The following TC2N variants were observed in gnomAD, a reference collection of about 807,000 sequenced individuals.
The protein encoded by TC2N is tandem C2 domains, nuclear.
Under a neutral mutation model 61.9 loss-of-function variants are expected in TC2N, and 51 were observed. That is an observed-to-expected ratio of 0.82 (90% confidence interval 0.66 to 1.04). TC2N has a LOEUF of 1.04. Among genes scored for constraint, TC2N ranks in the 50% least tolerant of loss-of-function variants. The pLI is 0.00. For synonymous variants in TC2N, 204 were observed against 192.6 expected (o/e 1.06, Z -0.49); for missense variants, 556 against 566.7 (o/e 0.98, Z 0.19).
chr14:91,840,798 T>C (rs1006891258), intron 1 of TC2N, among the ~76,000 whole-genome samples: 2 of 152,294 alleles, frequency 1.3e-5, no homozygotes, highest in Non-Finnish European at 1.5e-5. Context: ...TCTTTTTTCT[T>C]TCCCTCCCTC....
At chr14:91,847,484 T>C (rs1333198293) in intron 1 of TC2N, among the ~76,000 whole-genome samples, 1 of 152,186 alleles carries the variant, frequency 6.6e-6, no homozygotes, top group African/African-American at 2.4e-5. Flanking sequence ...CTTTGTGTGC[T>C]TACTCTTGGA....
At chr14:91,836,921 G>A (rs1888047885) in intron 1 of TC2N, among the ~76,000 whole-genome samples, 1 of 152,204 alleles carries the variant, frequency 6.6e-6, no homozygotes, top group Non-Finnish European at 1.5e-5. Context: ...CTTAGAAGCG[G>A]AGTAGTCATG....
chr14:91,850,909 TGACA>T (rs1341130322), intron 1 of TC2N, among the ~76,000 whole-genome samples: 2 of 152,194 alleles, frequency 1.3e-5, no homozygotes, highest in South Asian at 2.1e-4. Context: ...CCAGCCTGGG[TGACA>T]GAGCAAGACT....
chr14:91,808,081 A>G lies in TC2N; in HGVS notation c.301+4231T>C, dbSNP rs575359993. Among the ~76,000 whole-genome samples, 5 of 152,292 alleles carry G rather than the reference A, an allele frequency of 3.3e-5. No homozygotes were observed. The South Asian group carries it at 8.3e-4, about 25-fold the overall frequency. ...CCTTTCACCTTCTGCCATGATTGTC[A>G]GGCCTTCCCAGCCACATGGAACTGT... On this transcript the variant is annotated intron_variant, in intron 3 of 11. Transcript: ENST00000435962.
chr14:91,826,125 C>G (rs972916770), intron 1 of TC2N, among the ~76,000 whole-genome samples: 1 of 151,928 alleles, frequency 6.6e-6, no homozygotes, highest in African/African-American at 2.4e-5. Context: ...TCAAGACCAG[C>G]CTGTACAATA....
At chr14:91,852,548 A>G (rs1054942161) in intron 1 of TC2N, among the ~76,000 whole-genome samples, 2 of 152,188 alleles carry the variant, frequency 1.3e-5, no homozygotes, top group South Asian at 2.1e-4. Context: ...GAATTTTTGA[A>G]TTTTGTTACC....
At chr14:91,832,393 A>AAAC (rs1460767166) in intron 1 of TC2N, among the ~76,000 whole-genome samples, 1 of 151,654 alleles carries the variant, frequency 6.6e-6, no homozygotes, top group Non-Finnish European at 1.5e-5. Context: ...TCCGTCTCAA[A>AAAC]AAAAAAAAAA....
intron 1 of TC2N, among the ~76,000 whole-genome samples, chr14:91,845,686 G>C (rs1222072197): frequency 6.6e-6 from 1 of 152,158 alleles, no homozygotes; most frequent in Non-Finnish European, 1.5e-5. Context: ...GAACAAGCAG[G>C]CATCAGAAAG....
chr14:91,815,516 T>A (rs1886967830), intron 1 of TC2N, among the ~76,000 whole-genome samples: 1 of 151,712 alleles, frequency 6.6e-6, no homozygotes, highest in African/African-American at 2.4e-5. Context: ...ATGTCCAATT[T>A]CCTATTGTCC....
At chr14:91,823,520 CA>C (rs1179827262) in intron 1 of TC2N, among the ~76,000 whole-genome samples, 2 of 16,576 alleles carry the variant, frequency 1.2e-4, no homozygotes, top group African/African-American at 2.1e-4. Context: ...AATTCCATCT[CA>C]AAAAAAAAAA....
At chr14:91,828,208 A>C (rs1352336346) in intron 1 of TC2N, among the ~76,000 whole-genome samples, 1 of 152,130 alleles carries the variant, frequency 6.6e-6, no homozygotes, top group Non-Finnish European at 1.5e-5. Flanking sequence ...TTTTTTGTGA[A>C]AAGTATCAAT....
Position 91,813,843 on chromosome 14 carries a change from A to G in TC2N, c.-56-18T>C. The G allele has an allele frequency of 9.6e-7, 1 of 1,036,834 alleles. No homozygotes were observed. Among genetic ancestry groups the G allele is most frequent in the Non-Finnish European group, 1.5e-6 (1 of 674,560 alleles). 64.2% of individuals were successfully genotyped at this position (1,036,834 alleles called of 1,614,324 possible). A position where few individuals can be genotyped will look rare whatever the true frequency, so the allele number is the denominator to read the frequency against. On this transcript the variant is annotated intron_variant, in intron 1 of 11. Transcript: ENST00000435962. ...ATATTAATCTGTTGGTAGAATAGAA[A>G]ACAAGTTAACCTGCTTGTCATGCTT...
intron 1 of TC2N, among the ~76,000 whole-genome samples, chr14:91,835,791 TCTCATCAGACCCCG>T (rs964136719): frequency 2.0e-5 from 3 of 152,234 alleles, no homozygotes; most frequent in African/African-American, 7.2e-5. Context: ...GCGAAGCTCT[TCTCATCAGACCCCG>T]CCAGGGAAAG....
intron 9 of TC2N, among the ~76,000 whole-genome samples, chr14:91,789,009 TTAA>T (rs1885503367): frequency 6.6e-6 from 1 of 152,198 alleles, no homozygotes; most frequent in Non-Finnish European, 1.5e-5. Context: ...TCCTTGGCAT[TTAA>T]AAAATATATT....
chr14:91,848,291 C>A (rs1182512341), intron 1 of TC2N, among the ~76,000 whole-genome samples: 2 of 152,104 alleles, frequency 1.3e-5, no homozygotes, highest in African/African-American at 2.4e-5. Flanking sequence ...ATGAGAAAAC[C>A]CTCAGGTGGT....
At chr14:91,818,532 G>A (rs1887105657) in intron 1 of TC2N, among the ~76,000 whole-genome samples, 1 of 151,238 alleles carries the variant, frequency 6.6e-6, no homozygotes, top group South Asian at 2.1e-4. Flanking sequence ...AGGTATACAA[G>A]GAAGCAAAAA....
At chr14:91,853,845 G>A (rs973984022) in intron 1 of TC2N, among the ~76,000 whole-genome samples, 4 of 151,734 alleles carry the variant, frequency 2.6e-5, no homozygotes, top group East Asian at 3.9e-4. Context: ...TGAAGCAAAC[G>A]TGTTAAACAT....
At chr14:91,821,332 T>TG (rs1161719607) in intron 1 of TC2N, among the ~76,000 whole-genome samples, 2 of 152,040 alleles carry the variant, frequency 1.3e-5, no homozygotes, top group Non-Finnish European at 2.9e-5. Flanking sequence ...TATAGTCAAT[T>TG]GATGTTTAAC....
intron 10 of TC2N, 117 bp from the exon 11 acceptor site, chr14:91,785,478 T>C (rs1419651796): frequency 1.4e-6 from 1 of 703,652 alleles, no homozygotes; most frequent in Non-Finnish European, 2.3e-6. Context: ...AAAATATAGA[T>C]AAGTCACTTT....
Sources: gnomAD v4.1 joint callset for allele counts (sites outside exome capture counted in the v4.1 genomes callset) on GRCh38, gnomAD v4.1.1 for gene constraint, MANE v1.5 for transcripts, NCBI Gene and HGNC (gene_info 2026-07-23, HGNC 2026-07-21) for gene names.